The following ZFHX3 variants were observed in gnomAD, a reference collection of about 807,000 sequenced individuals.
The protein encoded by ZFHX3 is zinc finger homeobox protein 3.
Under a neutral mutation model 279.1 loss-of-function variants are expected in ZFHX3, and 42 were observed. The observed-to-expected ratio is 0.15, with a 90% CI of 0.12 to 0.19. ZFHX3 has a LOEUF of 0.19. Ranked by LOEUF, ZFHX3 falls within the 10% of genes least tolerant of loss-of-function variation. The probability of loss-of-function intolerance (pLI) is 1.00; values close to 1 mark genes in which losing one functional copy is unlikely to be tolerated. For missense variants in ZFHX3, 4,981 were observed against 4,754.0 expected (o/e 1.05, Z -1.40); for synonymous variants, 2,293 against 1,957.8 (o/e 1.17, Z -4.52).
chr16:73,638,644 C>A (rs968759489), intron 2 of ZFHX3, among the ~76,000 whole-genome samples: 1 of 152,130 alleles, frequency 6.6e-6, no homozygotes, highest in African/African-American at 2.4e-5. Flanking sequence ...TATTATAGCA[C>A]CTGTTACATT....
chr16:73,634,657 T>C (rs1306199411), intron 2 of ZFHX3, among the ~76,000 whole-genome samples: 1 of 151,938 alleles, frequency 6.6e-6, no homozygotes, highest in Non-Finnish European at 1.5e-5. Flanking sequence ...ATAGTGTCTC[T>C]TGAGGACAGC....
intron 1 of ZFHX3, among the ~76,000 whole-genome samples, chr16:73,682,827 GGA>G (rs747347596): frequency 1.0e-4 from 13 of 130,468 alleles, no homozygotes; most frequent in Admixed American, 7.9e-4. Flanking sequence ...AAAGAGAAAA[GGA>G]GAGAGAGAGA....
At chr16:72,949,007 C>T (rs867793723) in intron 3 of ZFHX3, among the ~76,000 whole-genome samples, 1 of 152,216 alleles carries the variant, frequency 6.6e-6, no homozygotes, top group Non-Finnish European at 1.5e-5. Flanking sequence ...TGCACCATAG[C>T]TGAGTCCACA....
At chr16:73,414,798 C>CGCACTTTA (rs916620022) in intron 3 of ZFHX3, among the ~76,000 whole-genome samples, 1 of 152,156 alleles carries the variant, frequency 6.6e-6, no homozygotes, top group Non-Finnish European at 1.5e-5. Context: ...ATTGCGCCAC[C>CGCACTTTA]GCACTTTAGA....
At chr16:72,968,160 C>G (rs1054432246) in intron 1 of ZFHX3, among the ~76,000 whole-genome samples, 7 of 152,066 alleles carry the variant, frequency 4.6e-5, no homozygotes, top group Non-Finnish European at 7.4e-5. Context: ...CACAACATCC[C>G]TTCCCTGGTG....
chr16:73,717,843 G>A (rs1046765014), intron 1 of ZFHX3, among the ~76,000 whole-genome samples: 1 of 152,144 alleles, frequency 6.6e-6, no homozygotes, highest in Non-Finnish European at 1.5e-5. Context: ...ACATTGTGCA[G>A]TTCCAGAACT....
At chr16:73,797,822 T>C (rs1960038506) in intron 1 of ZFHX3, among the ~76,000 whole-genome samples, 1 of 147,530 alleles carries the variant, frequency 6.8e-6, no homozygotes, top group Admixed American at 6.7e-5. Context: ...TTTTTTTTTT[T>C]TTTTTTTTTG....
At chr16:73,057,696 C>A (rs1652133537) in intron 1 of ZFHX3, among the ~76,000 whole-genome samples, 1 of 151,712 alleles carries the variant, frequency 6.6e-6, no homozygotes, top group South Asian at 2.1e-4. Flanking sequence ...GTGTCCAGGG[C>A]AGAGTCCCCT....
chr16:72,865,306 G>A (rs1455658641), intron 4 of ZFHX3, among the ~76,000 whole-genome samples: 1 of 152,204 alleles, frequency 6.6e-6, no homozygotes, highest in Non-Finnish European at 1.5e-5. Context: ...GCTTGTGGCT[G>A]AGATCCCTCC....
chr16:73,013,578 G>A (rs1383512196), intron 1 of ZFHX3, among the ~76,000 whole-genome samples: 2 of 152,120 alleles, frequency 1.3e-5, no homozygotes, highest in Non-Finnish European at 2.9e-5. Flanking sequence ...CTGAACCACG[G>A]TGCCTGGCCA....
Position 72,958,338 on chromosome 16 carries a change from G to A in ZFHX3, c.1808C>T (p.Pro603Leu), listed in dbSNP as rs2144441463. 1.2e-6 allele frequency: 2 copies of A among 1,614,036 alleles called. No individual in the cohort carries two copies. Among genetic ancestry groups the A allele is most frequent in the Non-Finnish European group, 1.7e-6 (2 of 1,179,922 alleles). ...ESANKDNATA[P>L]EPNESTEGDD... ...ACCCTCTGTGCTTTCATTTGGTTCT[G>A]GTGCTGTGGCATTGTCTTTATTGGC... Residue 603 changes from proline (P) to leucine (L), a missense_variant, in exon 2 of 10, where the codon CCA becomes CTA. Physicochemically the swap from Pro to Leu is moderately conservative, Grantham distance 98. Coordinates refer to ENST00000268489, the MANE Select transcript of ZFHX3 (RefSeq NM_006885.4).
chr16:73,054,304 C>G (rs1163134255), intron 1 of ZFHX3, among the ~76,000 whole-genome samples: 1 of 152,110 alleles, frequency 6.6e-6, no homozygotes, highest in Non-Finnish European at 1.5e-5. Context: ...AGTGGGCTCG[C>G]AGGGGACAGG....
chr16:72,970,144 G>T (rs1277615172), intron 1 of ZFHX3, among the ~76,000 whole-genome samples: 1 of 151,998 alleles, frequency 6.6e-6, no homozygotes, highest in Non-Finnish European at 1.5e-5. Flanking sequence ...GGCAACAGGA[G>T]AGAGTCGTGA....
chr16:72,795,303 G>A lies in ZFHX3; in HGVS notation c.7379C>T (p.Pro2460Leu), dbSNP rs1468327978. The change falls in exon 9 of 10, where the codon CCC becomes CTC. Residue 2460 changes from proline to leucine, a missense_variant. Pro to Leu is a moderately conservative substitution (Grantham distance 98). Transcript: ENST00000268489. ...CTGGGGAGTGTTGGTCTTCTGCTCG[G>A]GCTGCTCTTGCTGCTGCAGCTCTGG... ...PKPELQQQEQPEQKTNTPQQK... is the reference protein window; with the variant it reads ...PKPELQQQEQLEQKTNTPQQK... The A allele has an allele frequency of 1.2e-6, 2 of 1,613,888 alleles. No homozygotes were observed. The highest frequency in any genetic ancestry group is 1.7e-6 in the Non-Finnish European group (2 of 1,179,980).
At chr16:73,216,783 A>T (rs887658585) in intron 5 of ZFHX3, among the ~76,000 whole-genome samples, 3 of 150,732 alleles carry the variant, frequency 2.0e-5, no homozygotes, top group Admixed American at 2.0e-4. Flanking sequence ...AAGAAAAAAA[A>T]AAAGGACTCA....
At chr16:73,037,480 G>C (rs893741371) in intron 1 of ZFHX3, among the ~76,000 whole-genome samples, 2 of 152,116 alleles carry the variant, frequency 1.3e-5, no homozygotes, top group Admixed American at 6.5e-5. Context: ...TGGCCAGCCC[G>C]GCGACAGTTT....
At chr16:72,943,817 T>A (rs1259713728) in intron 3 of ZFHX3, among the ~76,000 whole-genome samples, 4 of 152,182 alleles carry the variant, frequency 2.6e-5, no homozygotes, top group African/African-American at 9.7e-5. Flanking sequence ...TAGAGAATCA[T>A]GTTCCTAGCT....
intron 7 of ZFHX3, among the ~76,000 whole-genome samples, chr16:73,118,027 C>A (rs1354222156): frequency 6.6e-6 from 1 of 152,142 alleles, no homozygotes; most frequent in Non-Finnish European, 1.5e-5. Flanking sequence ...ACTAAGACAC[C>A]CCCAAAATCA....
At chr16:73,200,926 C>G (rs569518759) in intron 5 of ZFHX3, among the ~76,000 whole-genome samples, 1 of 152,154 alleles carries the variant, frequency 6.6e-6, no homozygotes, top group Admixed American at 6.6e-5. Flanking sequence ...TGCCTTGGGA[C>G]GTACTGAGAT....
Sources: gnomAD v4.1 joint callset for allele counts (sites outside exome capture counted in the v4.1 genomes callset) on GRCh38, gnomAD v4.1.1 for gene constraint, MANE v1.5 for transcripts, NCBI Gene and HGNC (gene_info 2026-07-23, HGNC 2026-07-21) for gene names.